The following PTPRF variants were observed in gnomAD, a reference collection of about 807,000 sequenced individuals.
PTPRF encodes protein tyrosine phosphatase receptor type F.
PTPRF carries 59 observed loss-of-function variants against 201.8 expected under a neutral mutation model. The observed-to-expected ratio is 0.29, with a 90% CI of 0.24 to 0.36. The LOEUF is 0.36. PTPRF is among the 10% of genes least tolerant of loss of function. The pLI, the probability that PTPRF is intolerant of heterozygous loss-of-function variation, is 1.00. For synonymous variants in PTPRF, 1,088 were observed against 1,089.7 expected, an observed-to-expected ratio of 1.00 and a Z score of 0.03; for missense variants, 2,132 against 2,690.5, an observed-to-expected ratio of 0.79 and a Z score of 4.59.
At chr1:43,560,953 G>T (rs1645766532) in intron 5 of PTPRF, among the ~76,000 whole-genome samples, 1 of 152,192 alleles carries the variant, frequency 6.6e-6, no homozygotes, top group Non-Finnish European at 1.5e-5. Context: ...TCGATGGAGT[G>T]CCTGGTGTTG....
In PTPRF at chr1:43,537,498, A is replaced by C. The variant is rs183217643; in HGVS notation, c.-125-700A>C. 1.8e-3 allele frequency among the ~76,000 whole-genome samples: 269 copies of C among 152,332 alleles called. 1 individual carries two copies. In the Middle Eastern group the frequency reaches 0.048, roughly 27 times the overall value. ...ACCTACTATGTGCCAGCTGTCAGCC[A>C]GGCGCTGGGGATACGGAAATGAGCT... On this transcript the variant is annotated intron_variant, in intron 1 of 33. Coordinates refer to ENST00000359947, the MANE Select transcript of PTPRF (RefSeq NM_002840.5). The surrounding 1 kb of genome is among the most constrained non-coding windows in gnomAD (Gnocchi z 4.8).
intron 6 of PTPRF, chr1:43,575,952 G>A (rs977754849): frequency 2.2e-6 from 3 of 1,363,818 alleles, no homozygotes; most frequent in African/African-American, 1.5e-5. Flanking sequence ...CGTGCCTCTC[G>A]CCACACCACG....
chr1:43,523,902 A>AT (rs529182879), upstream of PTPRF, among the ~76,000 whole-genome samples: 8 of 149,158 alleles, frequency 5.4e-5, no homozygotes, highest in South Asian at 1.7e-3. Flanking sequence ...AAAAAAAAAA[A>AT]GGAAAAAAAA....
At chr1:43,612,280 T>G (rs933890300) in intron 22 of PTPRF, among the ~76,000 whole-genome samples, 6 of 151,734 alleles carry the variant, frequency 4.0e-5, no homozygotes, top group Non-Finnish European at 5.9e-5. Context: ...GCGTGGCAAG[T>G]GGGGGCTGAG....
chr1:43,592,781 T>A (rs1651179147), intron 11 of PTPRF, among the ~76,000 whole-genome samples, 180 bp downstream of exon 11: 2 of 152,148 alleles, frequency 1.3e-5, no homozygotes, highest in African/African-American at 4.8e-5. Context: ...TGCCTCCCAG[T>A]CTGTCCAGTC....
chr1:43,534,944 T>C lies in PTPRF; in HGVS notation c.-125-3254T>C, dbSNP rs578220656. Among the ~76,000 whole-genome samples the C allele has an allele frequency of 1.4e-4, 22 of 152,340 alleles. 1 individual carries two copies. In the South Asian group the frequency reaches 4.1e-3, roughly 29 times the overall value. ...AACCCGTGCCTTATAAGGGTTGTTATGAGGATTAAAGATAGTATGCATAAA... is the reference window on the plus strand; with the variant it reads ...AACCCGTGCCTTATAAGGGTTGTTACGAGGATTAAAGATAGTATGCATAAA... On this transcript the variant is annotated intron_variant, in intron 1 of 33. Coordinates refer to ENST00000359947, the MANE Select transcript of PTPRF (RefSeq NM_002840.5).
intron 6 of PTPRF, chr1:43,575,826 A>G: frequency 8.2e-7 from 1 of 1,220,496 alleles, no homozygotes; most frequent in African/African-American, 1.6e-5. Flanking sequence ...GTTTTATTTT[A>G]CCTGATTTGG....
At chr1:43,556,726 C>G (rs762091454) in intron 5 of PTPRF, among the ~76,000 whole-genome samples, 1 of 152,202 alleles carries the variant, frequency 6.6e-6, no homozygotes, top group Non-Finnish European at 1.5e-5. Flanking sequence ...ATAATGCCTA[C>G]CACCCAAGCT....
chr1:43,621,986 G>T lies in PTPRF; in HGVS notation c.5707G>T (p.Asp1903Tyr). The change falls in exon 34 of 34, where the codon GAC (aspartate) becomes TAC (tyrosine). Residue 1903 changes from aspartate to tyrosine, a missense_variant. By Grantham distance (160) the Asp-to-Tyr change is radical. Transcript: ENST00000359947. ...RAALEYLGSF[D>Y]HYAT Reference sequence around the variant, plus strand: ...GGCCCTGGAGTACCTCGGCAGCTTTGACCACTATGCAACGTAACTACCGCT... The same window carrying T: ...GGCCCTGGAGTACCTCGGCAGCTTTTACCACTATGCAACGTAACTACCGCT... 6.2e-7 allele frequency: 1 copy of T among 1,614,100 alleles called. No homozygotes were observed. The highest frequency in any genetic ancestry group is 2.2e-5 in the East Asian group (1 of 44,882).
chr1:43,571,927 AGCAGTGAGTGAGTCAATG>A (rs1557740453), intron 6 of PTPRF, among the ~76,000 whole-genome samples: 1 of 152,230 alleles, frequency 6.6e-6, no homozygotes, highest in Non-Finnish European at 1.5e-5. Context: ...AGTTACAGTA[AGCAGTGAGTGAGTCAATG>A]GCAGTCAAAC....
chr1:43,615,714 CCGCT>C (rs1657670336), intron 23 of PTPRF, among the ~76,000 whole-genome samples: 4 of 151,786 alleles, frequency 2.6e-5, no homozygotes, highest in Non-Finnish European at 5.9e-5. Flanking sequence ...CTACAGGTGC[CCGCT>C]ACCACACCCG....
intron 7 of PTPRF, among the ~76,000 whole-genome samples, chr1:43,587,320 C>G (rs1040012102): frequency 1.3e-5 from 2 of 152,166 alleles, no homozygotes; most frequent in African/African-American, 4.8e-5. Flanking sequence ...TGCAGCAACT[C>G]AGGGAAGGAT....
chr1:43,620,437 C>T lies in PTPRF; in HGVS notation c.5239-17C>T, dbSNP rs200606952. 92 of 1,604,056 alleles carry T rather than the reference C, an allele frequency of 5.7e-5. No individual in the cohort carries two copies. The African/African-American group carries it at 1.0e-3, about 17-fold the overall frequency. ...TCCTTCTCACCTGATTATGGGGGCC[C>T]GACCCTCTGTCCACAGGAGAAATGC... On this transcript the variant is annotated splice_polypyrimidine_tract_variant and intron_variant, in intron 30 of 33. Transcript: ENST00000359947.
At chr1:43,599,405 C>T (rs1298654659) in intron 13 of PTPRF, among the ~76,000 whole-genome samples, 1 of 152,192 alleles carries the variant, frequency 6.6e-6, no homozygotes, top group Non-Finnish European at 1.5e-5. Context: ...TGCCTTTCCC[C>T]TAGACAGTGC....
At chr1:43,572,306 C>T (rs559861673) in intron 6 of PTPRF, among the ~76,000 whole-genome samples, 1 of 152,366 alleles carries the variant, frequency 6.6e-6, no homozygotes, top group East Asian at 1.9e-4. Context: ...ACCTTTGGCA[C>T]TTGTCCCTGT....
intron 6 of PTPRF, 124 bp from the exon 7 acceptor site, chr1:43,578,686 T>G (rs1647102087): frequency 1.4e-6 from 1 of 703,362 alleles, no homozygotes; most frequent in African/African-American, 1.8e-5. Flanking sequence ...GGTGCCAGGG[T>G]GTGGCCTGGA....
chr1:43,527,111 C>T (rs957416004), upstream of PTPRF, among the ~76,000 whole-genome samples: 1 of 152,218 alleles, frequency 6.6e-6, no homozygotes, highest in African/African-American at 2.4e-5. Flanking sequence ...CAGAGAGTGT[C>T]CAGTTGGCCC....
intron 3 of PTPRF, among the ~76,000 whole-genome samples, chr1:43,550,184 A>G (rs1644932683): frequency 6.6e-6 from 1 of 152,144 alleles, no homozygotes; most frequent in Admixed American, 6.5e-5. Context: ...GCTCCTCTCC[A>G]GCCTCCAAGG....
Position 43,603,911 on chromosome 1 carries a change from A to G in PTPRF, c.2759A>G (p.Gln920Arg), listed in dbSNP as rs759204249. Reference protein sequence around the residue: ...TPEDLPSGFPQNLHVTGLTTS... With the variant: ...TPEDLPSGFPRNLHVTGLTTS... ...GAGGACCTGCCCAGCGGCTTCCCCC[A>G]AAACCTGCATGTGACAGGACTGACC... The change falls in exon 16 of 34, where the codon CAA (glutamine) becomes CGA (arginine). Residue 920 changes from glutamine (Q) to arginine (R), a missense_variant. Physicochemically the swap from Gln to Arg is conservative, Grantham distance 43. Coordinates refer to ENST00000359947, the MANE Select transcript of PTPRF (RefSeq NM_002840.5). The surrounding 1 kb of genome is among the most constrained non-coding windows in gnomAD (Gnocchi z 5.8). 2.5e-6 allele frequency: 4 copies of G among 1,613,906 alleles called. No homozygotes were observed. Among genetic ancestry groups the G allele is most frequent in the Admixed American group, 3.3e-5 (2 of 60,004 alleles).
Sources: allele counts gnomAD v4.1 joint callset (sites outside exome capture counted in the v4.1 genomes callset), GRCh38; gene constraint gnomAD v4.1.1; non-coding constraint Gnocchi (gnomAD v3.1); transcripts MANE v1.5; gene names NCBI Gene and HGNC (gene_info 2026-07-23, HGNC 2026-07-21).